The following ENO4 variants were observed in gnomAD, a reference collection of about 807,000 sequenced individuals.
The protein encoded by ENO4 is 2-phospho-D-glycerate hydro-lyase.
Under a neutral mutation model 63.2 loss-of-function variants are expected in ENO4, and 53 were observed. That is an observed-to-expected ratio of 0.84 (90% confidence interval 0.67 to 1.05). ENO4 has a LOEUF of 1.05. ENO4 is among the 50% of genes least tolerant of loss of function. The pLI, the probability that ENO4 is intolerant of heterozygous loss-of-function variation, is 0.00. For synonymous variants in ENO4, 266 were observed against 283.8 expected, an observed-to-expected ratio of 0.94 and a Z score of 0.63; for missense variants, 719 against 772.0, an observed-to-expected ratio of 0.93 and a Z score of 0.81.
At chr10:116,897,015 C>T (rs1481946039) in intron 10 of ENO4, among the ~76,000 whole-genome samples, 3 of 152,064 alleles carry the variant, frequency 2.0e-5, no homozygotes, top group Non-Finnish European at 2.9e-5. Context: ...CCATGTTGGC[C>T]CGGCTGGTCT....
intron 10 of ENO4, among the ~76,000 whole-genome samples, chr10:116,887,617 G>C (rs904135691): frequency 6.6e-6 from 1 of 152,106 alleles, no homozygotes; most frequent in Non-Finnish European, 1.5e-5. Flanking sequence ...CCTTCAGCAG[G>C]TCAGAGCTGG....
rs1208855865 is a variant in ENO4, at chr10:116,876,089, T to G, written c.1366T>G (p.Tyr456Asp). 6.5e-7 allele frequency: 1 copy of G among 1,548,790 alleles called. No individual in the cohort carries two copies. Among genetic ancestry groups the G allele is most frequent in the South Asian group, 1.2e-5 (1 of 83,416 alleles). ...KEDSEQWDSIYHALGSRCYII... is the reference protein window; with the variant it reads ...KEDSEQWDSIDHALGSRCYII... ...GGACTCTGAACAGTGGGACAGCATC[T>G]ATCACGCACTTGGTTCCAGGTGTTA... The change falls in exon 11 of 14, where the codon TAT (tyrosine) becomes GAT (aspartate). Residue 456 changes from tyrosine to aspartate, a missense_variant. Tyr to Asp is a radical substitution (Grantham distance 160). This residue lies in a region of ENO4 where 544 missense variants were observed against 583.6 expected (regional missense o/e 0.93). Transcript: ENST00000341276.
chr10:116,879,359 G>C lies in ENO4; in HGVS notation c.1605+1G>C. 6.5e-7 allele frequency: 1 copy of C among 1,548,578 alleles called. No homozygotes were observed. Among genetic ancestry groups the C allele is most frequent in the Non-Finnish European group, 8.7e-7 (1 of 1,145,410 alleles). On this transcript the variant is annotated splice_donor_variant, in intron 12 of 13. Coordinates refer to ENST00000341276, the MANE Select transcript of ENO4 (RefSeq NM_001242699.2). LOFTEE classifies it high-confidence loss of function. ...ATCTGATGACAGCCTTGTCGATTTGGTAAGTGCTGAATGCTGGTCAACTGC... is the reference window on the plus strand; with the variant it reads ...ATCTGATGACAGCCTTGTCGATTTGCTAAGTGCTGAATGCTGGTCAACTGC...
chr10:116,891,589 CTGG>C (rs1847344372), intron 10 of ENO4, among the ~76,000 whole-genome samples: 1 of 152,168 alleles, frequency 6.6e-6, no homozygotes. Context: ...TATATTTTCT[CTGG>C]TGTAAAAATA....
At chr10:116,883,172 T>C (rs1378806768), downstream of ENO4, 1 of 152,198 alleles carries the variant, frequency 6.6e-6, no homozygotes, top group Non-Finnish European at 1.5e-5. Flanking sequence ...TACTCACCTA[T>C]CCTCGAGACT....
rs1223212423 is a variant in ENO4, at chr10:116,881,535, T to C, written c.1744T>C (p.Phe582Leu). 1 of 1,544,742 alleles carries C rather than the reference T, an allele frequency of 6.5e-7. No homozygotes were observed. The highest frequency in any genetic ancestry group is 8.7e-7 in the Non-Finnish European group (1 of 1,145,226). The change falls in exon 14 of 14, where the codon TTT becomes CTT. Residue 582 changes from phenylalanine (F) to leucine (L), a missense_variant. By Grantham distance (22) the Phe-to-Leu change is conservative. This residue lies in a region of ENO4 where 168 missense variants were observed against 163.3 expected (regional missense o/e 1.03). Coordinates refer to ENST00000341276, the MANE Select transcript of ENO4 (RefSeq NM_001242699.2). ...GTLGFKEEHT[F>L]FYFNEEAEKA... ...AATAGGTTTCAAAGAAGAACACACT[T>C]TTTTTTACTTTAATGAGGAAGCTGA...
chr10:116,867,198 A>T (rs1015680136), intron 7 of ENO4, among the ~76,000 whole-genome samples: 1 of 152,130 alleles, frequency 6.6e-6, no homozygotes, highest in Non-Finnish European at 1.5e-5. Flanking sequence ...AGATTAGTAG[A>T]TTACATCATG....
intron 10 of ENO4, among the ~76,000 whole-genome samples, chr10:116,891,584 T>C (rs1303340613): frequency 1.3e-5 from 2 of 152,252 alleles, no homozygotes; most frequent in African/African-American, 4.8e-5. Flanking sequence ...CCTTTTATAT[T>C]TTCTCTGGTG....
intron 10 of ENO4, among the ~76,000 whole-genome samples, chr10:116,875,262 A>G (rs149918358): frequency 6.6e-6 from 1 of 151,956 alleles, no homozygotes; most frequent in Admixed American, 6.6e-5. Flanking sequence ...CACAACCTCC[A>G]TTCTACACCA....
intron 10 of ENO4, chr10:116,911,478 C>T (rs200157604): frequency 2.0e-5 from 31 of 1,550,040 alleles, no homozygotes; most frequent in East Asian, 1.7e-4. Context: ...TCAACATGTA[C>T]GGACCCTTAC....
intron 10 of ENO4, among the ~76,000 whole-genome samples, chr10:116,875,351 G>A (rs1178457423): frequency 6.6e-6 from 1 of 151,600 alleles, no homozygotes; most frequent in African/African-American, 2.4e-5. Context: ...CTGAGGCTCT[G>A]GTCATACTTT....
intron 10 of ENO4, among the ~76,000 whole-genome samples, chr10:116,893,318 A>T (rs139165820): frequency 1.3e-5 from 2 of 152,284 alleles, no homozygotes; most frequent in Non-Finnish European, 1.5e-5. Flanking sequence ...TTAATTGTCC[A>T]TGTACAGGCG....
downstream of ENO4, among the ~76,000 whole-genome samples, chr10:116,887,555 C>T (rs1258401663): frequency 6.6e-6 from 1 of 152,122 alleles, no homozygotes; most frequent in Non-Finnish European, 1.5e-5. Flanking sequence ...CAGTGCCTGC[C>T]CACTGCTCTA....
At chr10:116,894,871 A>C (rs1258103384) in intron 10 of ENO4, among the ~76,000 whole-genome samples, 6 of 152,218 alleles carry the variant, frequency 3.9e-5, no homozygotes, top group Non-Finnish European at 5.9e-5. Context: ...GCAAGAAAAC[A>C]TGAAACTCTT....
rs1447876708 is a variant in ENO4, at chr10:116,861,198, A to C, written c.936+8A>C. ...GAATTAACAACCAAACAAGTACCTTACATTATCTTAAATTACCTTTTCTAA... is the reference window on the plus strand; with the variant it reads ...GAATTAACAACCAAACAAGTACCTTCCATTATCTTAAATTACCTTTTCTAA... On this transcript the variant is annotated splice_region_variant and intron_variant, in intron 6 of 13. Transcript: ENST00000341276. 7.8e-6 allele frequency: 10 copies of C among 1,275,042 alleles called. No homozygotes were observed. Among genetic ancestry groups the C allele is most frequent in the Non-Finnish European group, 9.1e-6 (9 of 987,010 alleles). The allele number at this position is 1,275,042 out of a possible 1,614,324, so 79.0% of individuals were successfully genotyped here.
chr10:116,880,088 C>A, intron 13 of ENO4, 102 bp downstream of exon 13: 1 of 847,308 alleles, frequency 1.2e-6, no homozygotes, highest in Non-Finnish European at 1.8e-6. Context: ...GCAGGGGAAT[C>A]CAAAGACCAT....
chr10:116,892,676 C>A (rs528856765), intron 10 of ENO4, among the ~76,000 whole-genome samples: 1 of 151,936 alleles, frequency 6.6e-6, no homozygotes, highest in Non-Finnish European at 1.5e-5. Flanking sequence ...CTTTTAAGAT[C>A]GAAAGTCACA....
At chr10:116,911,031 C>A (rs1848169102) in intron 10 of ENO4, among the ~76,000 whole-genome samples, 3 of 152,228 alleles carry the variant, frequency 2.0e-5, no homozygotes, top group Non-Finnish European at 4.4e-5. Flanking sequence ...AGTATTCAGT[C>A]TTGTACCTCC....
intron 12 of ENO4, 128 bp from the exon 13 acceptor site, chr10:116,879,741 G>C: frequency 1.4e-6 from 1 of 727,816 alleles, no homozygotes; most frequent in African/African-American, 1.8e-5. Context: ...CTTACATAAA[G>C]ATAAAAAACT....
Sources: allele counts gnomAD v4.1 joint callset (sites outside exome capture counted in the v4.1 genomes callset), GRCh38; gene constraint gnomAD v4.1.1; regional missense constraint gnomAD v4.1.1; transcripts MANE v1.5; gene names NCBI Gene and HGNC (gene_info 2026-07-23, HGNC 2026-07-21).